EHHADH: variants seen among roughly 807,000 people sequenced by gnomAD.
The protein encoded by EHHADH is peroxisomal bifunctional enzyme.
In EHHADH, 48 loss-of-function variants were observed where a neutral mutation model predicts 64.4. That is an observed-to-expected ratio of 0.75 (90% CI 0.59 to 0.95). The LOEUF (loss-of-function observed/expected upper bound fraction) is 0.95, where lower values mean the gene tolerates loss of function less well. Ranked by LOEUF, EHHADH falls within the 40% of genes least tolerant of loss-of-function variation. The pLI, the probability that EHHADH is intolerant of heterozygous loss-of-function variation, is 0.00. For missense variants in EHHADH, 854 were observed against 876.6 expected, an observed-to-expected ratio of 0.97 and a Z score of 0.33; for synonymous variants, 308 against 326.7, an observed-to-expected ratio of 0.94 and a Z score of 0.62.
intron 6 of EHHADH, among the ~76,000 whole-genome samples, chr3:185,198,997 A>G (rs1479637442): frequency 2.0e-5 from 3 of 152,226 alleles, no homozygotes; most frequent in Non-Finnish European, 2.9e-5. Flanking sequence ...GGAAAGAGGA[A>G]TTCACAATAT....
chr3:185,218,161 T>C lies in EHHADH; in HGVS notation c.543A>G (p.Ala181=). Residue 181 remains alanine (A), a synonymous_variant, in exon 5 of 7, where the codon GCA becomes GCG. Transcript: ENST00000231887. ...KVVNSDPVEE[A]IRFAQRVSDQ... is the part of the protein sequence containing the mutation. ...CTGAAACTCTCTGAGCAAATCTGATTGCTTCTTCAACCGGGTCTGAGTTTA... is the reference window on the plus strand; with the variant it reads ...CTGAAACTCTCTGAGCAAATCTGATCGCTTCTTCAACCGGGTCTGAGTTTA... 1 of 1,607,774 alleles carries C rather than the reference T, an allele frequency of 6.2e-7. No individual in the cohort carries two copies. Among genetic ancestry groups the C allele is most frequent in the Non-Finnish European group, 8.5e-7 (1 of 1,177,546 alleles).
chr3:185,253,865 G>A (rs1719820100), intron 1 of EHHADH, 84 bp downstream of exon 1: 4 of 1,571,178 alleles, frequency 2.5e-6, no homozygotes, highest in South Asian at 2.3e-5. Context: ...GGTTTAAACC[G>A]ACGGGGGAGA....
At chr3:185,246,240 T>G (rs1370828150) in intron 2 of EHHADH, 1 of 899,290 alleles carries the variant, frequency 1.1e-6, no homozygotes, top group East Asian at 2.4e-5. Flanking sequence ...GTCATCTAGA[T>G]CATCAGAAGC....
intron 5 of EHHADH, 55 bp from the exon 6 acceptor site, chr3:185,204,812 T>C: frequency 1.4e-6 from 2 of 1,390,134 alleles, no homozygotes; most frequent in Non-Finnish European, 2.0e-6. Flanking sequence ...ACAAAGGGAA[T>C]GTGAATATAT....
chr3:185,206,203 C>A (rs1036364539), intron 5 of EHHADH, among the ~76,000 whole-genome samples: 3 of 151,570 alleles, frequency 2.0e-5, no homozygotes, highest in African/African-American at 4.9e-5. Context: ...AGATAATAAT[C>A]GTTCAGAAAA....
chr3:185,219,065 G>C (rs1395934267), intron 4 of EHHADH, among the ~76,000 whole-genome samples: 2 of 152,008 alleles, frequency 1.3e-5, no homozygotes, highest in African/African-American at 4.8e-5. Context: ...TTAAAAAAAA[G>C]ATAGTCCCCA....
intron 1 of EHHADH, among the ~76,000 whole-genome samples, chr3:185,248,851 T>C (rs927796593): frequency 1.1e-4 from 16 of 152,190 alleles, no homozygotes; most frequent in African/African-American, 3.6e-4. Flanking sequence ...TTCTATATAT[T>C]GTACAAGGAG....
chr3:185,192,924 C>A lies in EHHADH; in HGVS notation c.1474G>T (p.Ala492Ser). The A allele has an allele frequency of 6.2e-7, 1 of 1,614,190 alleles. No individual in the cohort carries two copies. The change falls in exon 7 of 7, where the codon GCA becomes TCA. Residue 492 changes from alanine to serine, a missense_variant. By Grantham distance (99) the Ala-to-Ser change is moderately conservative (BLOSUM62 1). Coordinates refer to ENST00000231887, the MANE Select transcript of EHHADH (RefSeq NM_001966.4). The stretch of plus-strand genomic sequence containing the variant: ...CTGCCTTCTTCTAACAAGAAATATG[C>A]CTGATTGTAGTAAGGATTCAACATT... ...NRMLNPYYNQ[A>S]YFLLEEGSKP...
At position 185,193,196 on chromosome 3, in the gene EHHADH, T is replaced by C. The variant is rs1385463872; in HGVS notation, c.1202A>G (p.Lys401Arg). ...QVFAELSAVC[K>R]PEAFLCTNTS... is the part of the protein sequence containing the mutation. ...ATTAGTGCACAAAAATGCTTCTGGT[T>C]TGCACACAGCTGAGAGTTCAGCAAA... is the stretch of plus-strand genomic sequence containing the variant. The change falls in exon 7 of 7, where the codon AAA becomes AGA. Residue 401 changes from lysine to arginine, a missense_variant. Lys to Arg is a conservative substitution (Grantham distance 26, BLOSUM62 2). Coordinates refer to ENST00000231887, the MANE Select transcript of EHHADH (RefSeq NM_001966.4). 2 of 1,612,638 alleles carry C rather than the reference T, an allele frequency of 1.2e-6. No individual in the cohort carries two copies.
chr3:185,192,472 G>T lies in EHHADH; in HGVS notation c.1926C>A (p.Ser642Arg). The T allele has an allele frequency of 6.2e-7, 1 of 1,614,186 alleles. No homozygotes were observed. Among genetic ancestry groups the T allele is most frequent in the Admixed American group, 1.7e-5 (1 of 60,024 alleles). ...FRILGEGIAA[S>R]PEHIDVVYLH... The stretch of plus-strand genomic sequence containing the variant: ...AATAGACAACATCAATGTGCTCTGG[G>T]CTAGCAGCTATCCCTTCTCCCAAGA... The change falls in exon 7 of 7, where the codon AGC becomes AGA. Residue 642 changes from serine (S) to arginine (R), a missense_variant. By Grantham distance (110) the Ser-to-Arg change is moderately radical. Transcript: ENST00000231887.
chr3:185,232,459 T>C (rs1719162321), intron 3 of EHHADH, among the ~76,000 whole-genome samples: 1 of 152,218 alleles, frequency 6.6e-6, no homozygotes, highest in African/African-American at 2.4e-5. Context: ...TTTTTTTTCT[T>C]TTTTTTGAGA....
chr3:185,236,748 T>C (rs1376906925), intron 2 of EHHADH, among the ~76,000 whole-genome samples: 1 of 152,216 alleles, frequency 6.6e-6, no homozygotes, highest in African/African-American at 2.4e-5. Flanking sequence ...CAATTCCTTT[T>C]GGTTCTAGAG....
chr3:185,238,677 C>T (rs1198760676), intron 2 of EHHADH, among the ~76,000 whole-genome samples: 4 of 152,070 alleles, frequency 2.6e-5, no homozygotes, highest in Non-Finnish European at 1.5e-5. Flanking sequence ...GTTTGAGTTC[C>T]TTATAGATTC....
intron 6 of EHHADH, among the ~76,000 whole-genome samples, chr3:185,193,688 C>A (rs959481598): frequency 5.9e-5 from 9 of 152,098 alleles, no homozygotes; most frequent in African/African-American, 2.2e-4. Context: ...GATTCACACA[C>A]ACAAATAGAA....
Position 185,254,014 on chromosome 3 carries a change from C to G in EHHADH, c.9G>C (p.Glu3Asp). The G allele has an allele frequency of 1.2e-6, 2 of 1,613,888 alleles. No individual in the cohort carries two copies. Among genetic ancestry groups the G allele is most frequent in the African/African-American group, 2.7e-5 (2 of 75,040 alleles). Residue 3 changes from glutamate to aspartate, a missense_variant, in exon 1 of 7, where the codon GAG (glutamate) becomes GAC (aspartate). By Grantham distance (45) the Glu-to-Asp change is conservative (BLOSUM62 2). Transcript: ENST00000231887. MA[E>D]YTRLHNALAL... ...CCAAGGCGTTGTGCAGCCGCGTATA[C>G]TCGGCCATGTTTCCTCTATCACCGA... is the stretch of plus-strand genomic sequence containing the variant.
chr3:185,197,777 G>C (rs751857810), intron 6 of EHHADH, among the ~76,000 whole-genome samples: 4 of 152,098 alleles, frequency 2.6e-5, no homozygotes, highest in Non-Finnish European at 5.9e-5. Context: ...ATATCTATTT[G>C]AGTCCCTGCT....
intron 2 of EHHADH, among the ~76,000 whole-genome samples, chr3:185,235,960 T>C (rs1037372830): frequency 2.0e-5 from 3 of 152,188 alleles, no homozygotes; most frequent in Non-Finnish European, 4.4e-5. Flanking sequence ...TATACATATT[T>C]ATGAGTTATA....
chr3:185,215,114 T>A (rs948457473), intron 5 of EHHADH, among the ~76,000 whole-genome samples: 1 of 152,126 alleles, frequency 6.6e-6, no homozygotes, highest in Non-Finnish European at 1.5e-5. Context: ...AATCACTGAT[T>A]TTTTTATTAA....
chr3:185,231,707 T>C (rs1447525477), intron 3 of EHHADH, among the ~76,000 whole-genome samples: 1 of 151,916 alleles, frequency 6.6e-6, no homozygotes, highest in Non-Finnish European at 1.5e-5. Flanking sequence ...GGAGACCACA[T>C]ATTGTATGAT....
Sources: gnomAD v4.1 joint callset for allele counts (sites outside exome capture counted in the v4.1 genomes callset) on GRCh38, gnomAD v4.1.1 for gene constraint, MANE v1.5 for transcripts, NCBI Gene and HGNC (gene_info 2026-07-23, HGNC 2026-07-21) for gene names.